ADAMTSL1: variants seen among roughly 807,000 people sequenced by gnomAD.
ADAMTSL1 encodes ADAMTS-like protein 1.
ADAMTSL1 carries 126 observed loss-of-function variants against 201.8 expected under a neutral mutation model. The observed-to-expected ratio is 0.62, with a 90% CI of 0.54 to 0.72. ADAMTSL1 has a LOEUF of 0.72. ADAMTSL1 is among the 30% of genes least tolerant of loss of function. ADAMTSL1 has a pLI of 0.00. For missense variants in ADAMTSL1, 2,679 were observed against 2,277.8 expected, an observed-to-expected ratio of 1.18 and a Z score of -3.59; for synonymous variants, 1,121 against 903.4, an observed-to-expected ratio of 1.24 and a Z score of -4.32.
intron 2 of ADAMTSL1, among the ~76,000 whole-genome samples, chr9:18,462,546 A>G (rs1456350923): frequency 6.6e-6 from 1 of 152,232 alleles, no homozygotes; most frequent in East Asian, 1.9e-4. Flanking sequence ...AACCAATGAC[A>G]GAAAAGTCCA....
At chr9:18,278,917 G>T (rs527483499) in intron 2 of ADAMTSL1, among the ~76,000 whole-genome samples, 84 of 150,530 alleles carry the variant, frequency 5.6e-4, no homozygotes, top group African/African-American at 2.0e-3. Context: ...GAGCTCACTG[G>T]TTTTTTTTTC....
chr9:18,203,790 C>A (rs1315814410), intron 2 of ADAMTSL1, among the ~76,000 whole-genome samples: 1 of 152,060 alleles, frequency 6.6e-6, no homozygotes, highest in Admixed American at 6.6e-5. Flanking sequence ...GTGGTTAGTG[C>A]AAGTATGGCT....
chr9:18,880,666 G>A (rs559369954), intron 23 of ADAMTSL1, among the ~76,000 whole-genome samples: 90 of 152,288 alleles, frequency 5.9e-4, no homozygotes, highest in African/African-American at 2.0e-3. Context: ...TAGATGTAAC[G>A]TAATTCTTAA....
intron 1 of ADAMTSL1, among the ~76,000 whole-genome samples, chr9:18,501,703 C>A (rs569427318): frequency 1.3e-5 from 2 of 152,232 alleles, no homozygotes; most frequent in South Asian, 4.1e-4. Context: ...AGTTAAAAAG[C>A]AGAAAAATCA....
intron 2 of ADAMTSL1, among the ~76,000 whole-genome samples, chr9:18,301,378 T>C (rs1465964677): frequency 6.6e-6 from 1 of 152,178 alleles, no homozygotes; most frequent in Non-Finnish European, 1.5e-5. Context: ...TGCGGTACAG[T>C]AGTTCCCCCT....
chr9:18,562,123 T>C (rs75930766), intron 3 of ADAMTSL1, among the ~76,000 whole-genome samples: 6,253 of 152,278 alleles, frequency 0.041, 179 homozygotes, highest in African/African-American at 0.078. Context: ...GTGTCAATGG[T>C]GTTCACAATT....
chr9:18,816,437 A>T (rs892232891), intron 20 of ADAMTSL1, among the ~76,000 whole-genome samples: 12 of 152,038 alleles, frequency 7.9e-5, no homozygotes, highest in African/African-American at 2.9e-4. Flanking sequence ...GGATTTCACC[A>T]TGTTGGCCAG....
intron 2 of ADAMTSL1, among the ~76,000 whole-genome samples, chr9:18,310,385 A>AAAC (rs1834092215): frequency 6.8e-6 from 1 of 146,258 alleles, no homozygotes; most frequent in Non-Finnish European, 1.5e-5. Context: ...AAAAAAAAAA[A>AAAC]AAAAAAAAAA....
Position 17,996,045 on chromosome 9 carries a change from G to A in ADAMTSL1, c.87+89123G>A, listed in dbSNP as rs143590640. The stretch of plus-strand genomic sequence containing the variant: ...TATAAATGTGGGTTGTTATTACTCA[G>A]TAAACTTCAGGCTTTTAATACTACT... On this transcript the variant is annotated intron_variant, in intron 1 of 29. Transcript: ENST00000680146. Among the ~76,000 whole-genome samples, 3 of 152,166 alleles carry A rather than the reference G, an allele frequency of 2.0e-5. No homozygotes were observed. The East Asian group carries it at 5.8e-4, about 29-fold the overall frequency.
At chr9:18,004,314 G>T (rs1451666013) in intron 1 of ADAMTSL1, among the ~76,000 whole-genome samples, 1 of 152,020 alleles carries the variant, frequency 6.6e-6, no homozygotes, top group African/African-American at 2.4e-5. Flanking sequence ...CCATCTTCAG[G>T]GAGGGAAGGG....
At chr9:18,129,536 T>G (rs1825865050) in intron 1 of ADAMTSL1, among the ~76,000 whole-genome samples, 1 of 152,164 alleles carries the variant, frequency 6.6e-6, no homozygotes, top group African/African-American at 2.4e-5. Context: ...TTCTGTGGGT[T>G]TTTATCTGTT....
chr9:18,314,987 G>A (rs921213943), intron 2 of ADAMTSL1, among the ~76,000 whole-genome samples: 19 of 150,564 alleles, frequency 1.3e-4, no homozygotes, highest in African/African-American at 2.4e-4. Context: ...TAGTAGAGAC[G>A]GGGTTTCACC....
At chr9:18,352,836 A>G (rs932033925) in intron 2 of ADAMTSL1, among the ~76,000 whole-genome samples, 9 of 152,356 alleles carry the variant, frequency 5.9e-5, no homozygotes, top group African/African-American at 2.2e-4. Flanking sequence ...GTCCCTGGCA[A>G]GATGCAAAGT....
chr9:18,769,603 G>A (rs1487447915), intron 16 of ADAMTSL1, among the ~76,000 whole-genome samples: 1 of 152,176 alleles, frequency 6.6e-6, no homozygotes, highest in Non-Finnish European at 1.5e-5. Context: ...TTTTGTTTGT[G>A]ACAGCCCAAG....
chr9:18,399,347 T>G lies in ADAMTSL1; in HGVS notation c.208-105482T>G, dbSNP rs570197681. ...TATATATAAAATTATTATTTTCTTT[T>G]TTTCTTTTTTGAGACAAAGTCTTGC... On this transcript the variant is annotated intron_variant, in intron 2 of 29. Transcript: ENST00000680146. Among the ~76,000 whole-genome samples, 10 of 140,680 alleles carry G rather than the reference T, an allele frequency of 7.1e-5. No homozygotes were observed. The East Asian group carries it at 1.0e-3, about 15-fold the overall frequency. The allele number at this position is 140,680 out of a possible 152,430, so 92.3% of individuals were successfully genotyped here. A position where few individuals can be genotyped will look rare whatever the true frequency, so the allele number is the denominator to read the frequency against.
intron 1 of ADAMTSL1, among the ~76,000 whole-genome samples, chr9:17,987,430 G>C (rs1459639601): frequency 6.6e-6 from 1 of 152,046 alleles, no homozygotes; most frequent in Non-Finnish European, 1.5e-5. Context: ...TTATTGCATT[G>C]GTTGAACACT....
At chr9:18,356,313 G>C (rs1836224489) in intron 2 of ADAMTSL1, among the ~76,000 whole-genome samples, 1 of 152,098 alleles carries the variant, frequency 6.6e-6, no homozygotes, top group Non-Finnish European at 1.5e-5. Context: ...GCTTCGGGCT[G>C]TTTTTGGCTT....
intron 7 of ADAMTSL1, among the ~76,000 whole-genome samples, chr9:18,648,024 G>A (rs1258182300): frequency 6.7e-6 from 1 of 149,316 alleles, no homozygotes; most frequent in African/African-American, 2.5e-5. Context: ...GGGAGTCTAA[G>A]TCTCTTTGTA....
chr9:18,210,520 A>AAT (rs957281291), intron 2 of ADAMTSL1, among the ~76,000 whole-genome samples: 6 of 138,024 alleles, frequency 4.3e-5, no homozygotes, highest in Non-Finnish European at 6.7e-5. Flanking sequence ...TATATTAATA[A>AAT]ATATATATAT....
Sources: allele counts gnomAD v4.1 joint callset (sites outside exome capture counted in the v4.1 genomes callset), GRCh38; gene constraint gnomAD v4.1.1; transcripts MANE v1.5; gene names NCBI Gene and HGNC (gene_info 2026-07-23, HGNC 2026-07-21).